The following TNR variants were observed in gnomAD, a reference collection of about 807,000 sequenced individuals.
The protein encoded by TNR is tenascin-R.
A neutral mutation model predicts 150.4 loss-of-function variants in TNR; 45 were observed. The ratio of observed to expected loss-of-function variants is 0.30; its 90% CI spans 0.24 to 0.38. The LOEUF (loss-of-function observed/expected upper bound fraction) is 0.38. Among genes scored for constraint, TNR ranks in the 10% least tolerant of loss-of-function variants. The pLI is 1.00. For synonymous variants in TNR, 687 were observed against 678.4 expected (o/e 1.01, Z -0.20); for missense variants, 1,544 against 1,759.1 (o/e 0.88, Z 2.19).
At chr1:175,472,350 T>TA (rs1468802936) in intron 2 of TNR, among the ~76,000 whole-genome samples, 8 of 152,014 alleles carry the variant, frequency 5.3e-5, no homozygotes, top group Middle Eastern at 3.4e-3. Flanking sequence ...ACATTAACTT[T>TA]AAAAAAAATA....
intron 2 of TNR, among the ~76,000 whole-genome samples, chr1:175,485,424 C>A (rs767048957): frequency 4.6e-5 from 7 of 152,090 alleles, no homozygotes; most frequent in Non-Finnish European, 8.8e-5. Flanking sequence ...AGCAATAGAC[C>A]AAGGAGCACA....
chr1:175,533,391 T>C (rs1302244809), intron 1 of TNR, among the ~76,000 whole-genome samples: 2 of 152,318 alleles, frequency 1.3e-5, no homozygotes, highest in East Asian at 3.9e-4. Context: ...CCTCTCAGGG[T>C]CATGGTGTAA....
intron 1 of TNR, among the ~76,000 whole-genome samples, chr1:175,722,068 T>C (rs1382895083): frequency 1.3e-5 from 2 of 152,038 alleles, no homozygotes; most frequent in Admixed American, 1.3e-4. Flanking sequence ...GTGTTCTCAG[T>C]TCCCCTGTCC....
chr1:175,600,931 A>G (rs2101846738), intron 1 of TNR, among the ~76,000 whole-genome samples: 1 of 152,364 alleles, frequency 6.6e-6, no homozygotes, highest in South Asian at 2.1e-4. Flanking sequence ...TGAGTGAAAA[A>G]AAAATTTGCA....
intron 2 of TNR, among the ~76,000 whole-genome samples, chr1:175,485,526 T>C (rs923381555): frequency 6.6e-6 from 1 of 152,152 alleles, no homozygotes; most frequent in African/African-American, 2.4e-5. Flanking sequence ...CTCAAATTTC[T>C]GGTCTGCCCC....
intron 6 of TNR, 105 bp downstream of exon 6, chr1:175,393,675 T>C (rs1489637850): frequency 1.9e-5 from 17 of 879,608 alleles, no homozygotes; most frequent in Admixed American, 5.3e-5. Context: ...TTTAATGGCA[T>C]GGAGAGAGAT....
intron 1 of TNR, among the ~76,000 whole-genome samples, chr1:175,592,225 A>G (rs1019740883): frequency 6.6e-6 from 1 of 152,220 alleles, no homozygotes. Context: ...ATAGTCCATA[A>G]TAAGTGCTCA....
chr1:175,654,029 A>T (rs934083579), intron 1 of TNR, among the ~76,000 whole-genome samples: 1 of 152,200 alleles, frequency 6.6e-6, no homozygotes, highest in Admixed American at 6.5e-5. Context: ...CCAGCATGCA[A>T]AATACTGCTT....
chr1:175,681,669 C>T (rs1292648908), intron 1 of TNR, among the ~76,000 whole-genome samples: 1 of 152,204 alleles, frequency 6.6e-6, no homozygotes, highest in Admixed American at 6.5e-5. Context: ...TCTGTAACCA[C>T]GTCTCCACCT....
At chr1:175,433,418 T>C (rs1359699748) in intron 2 of TNR, among the ~76,000 whole-genome samples, 1 of 152,214 alleles carries the variant, frequency 6.6e-6, no homozygotes, top group Non-Finnish European at 1.5e-5. Context: ...TCTTAAGCAA[T>C]GTAGCATCTC....
rs1001904553 is a variant in TNR at position 175,565,590 on chromosome 1, G to A, written c.-164-37221C>T. On this transcript the variant is annotated intron_variant, in intron 1 of 22. Transcript: ENST00000367674. ...AAATCGGAACACTTATACATTGTTG[G>A]CATAATACTTTTGGAGTGTAAATCA... Among the ~76,000 whole-genome samples the A allele has an allele frequency of 1.3e-5, 2 of 152,160 alleles. 1 individual carries two copies. Among genetic ancestry groups the A allele is most frequent in the Non-Finnish European group, 2.9e-5 (2 of 68,034 alleles).
chr1:175,480,294 T>TA (rs34031344), intron 2 of TNR, among the ~76,000 whole-genome samples: 43 of 111,838 alleles, frequency 3.8e-4, no homozygotes, highest in South Asian at 1.6e-3. Context: ...CTGGACATAG[T>TA]AAAAAAAAAA....
intron 2 of TNR, among the ~76,000 whole-genome samples, chr1:175,412,158 C>A (rs1231225247): frequency 2.0e-5 from 3 of 152,118 alleles, no homozygotes; most frequent in Non-Finnish European, 4.4e-5. Context: ...ACCAAGATTG[C>A]AGTTAATGGG....
chr1:175,659,060 C>T (rs1665281951), intron 1 of TNR, among the ~76,000 whole-genome samples: 2 of 152,206 alleles, frequency 1.3e-5, no homozygotes, highest in South Asian at 2.1e-4. Flanking sequence ...ACTACTCGCC[C>T]CTGACTCTAC....
At chr1:175,600,084 C>G (rs1663177208) in intron 1 of TNR, among the ~76,000 whole-genome samples, 1 of 152,172 alleles carries the variant, frequency 6.6e-6, no homozygotes, top group Non-Finnish European at 1.5e-5. Context: ...GAACTGGACT[C>G]GGGGATTGGA....
chr1:175,715,638 T>A (rs1288859523), intron 1 of TNR, among the ~76,000 whole-genome samples: 1 of 152,196 alleles, frequency 6.6e-6, no homozygotes, highest in Non-Finnish European at 1.5e-5. Flanking sequence ...TACCATGGGA[T>A]GATGCTGGGA....
At chr1:175,692,088 C>A (rs182054521) in intron 1 of TNR, among the ~76,000 whole-genome samples, 1 of 152,112 alleles carries the variant, frequency 6.6e-6, no homozygotes, top group South Asian at 2.1e-4. Context: ...AATGCTATTA[C>A]CAGAGGTGGA....
At chr1:175,415,627 C>T (rs539563501) in intron 2 of TNR, among the ~76,000 whole-genome samples, 187 of 152,364 alleles carry the variant, frequency 1.2e-3, no homozygotes, top group African/African-American at 4.0e-3. Flanking sequence ...CCAGCATGTT[C>T]GTGGCTTCGT....
At chr1:175,543,550 G>A (rs182898892) in intron 1 of TNR, among the ~76,000 whole-genome samples, 123 of 152,308 alleles carry the variant, frequency 8.1e-4, no homozygotes, top group Non-Finnish European at 1.3e-3. Context: ...ACAAACTGGA[G>A]TACATCATTC....
Sources: allele counts gnomAD v4.1 joint callset (sites outside exome capture counted in the v4.1 genomes callset), GRCh38; gene constraint gnomAD v4.1.1; transcripts MANE v1.5; gene names NCBI Gene and HGNC (gene_info 2026-07-23, HGNC 2026-07-21).